The following FAM53B variants were observed in gnomAD, a reference collection of about 807,000 sequenced individuals.
FAM53B encodes the protein protein FAM53B.
A neutral mutation model predicts 32.7 loss-of-function variants in FAM53B; 12 were observed. The ratio of observed to expected loss-of-function variants is 0.37; its 90% CI spans 0.24 to 0.59. The LOEUF (loss-of-function observed/expected upper bound fraction) is 0.59, where lower values mean the gene tolerates loss of function less well. Ranked by LOEUF, FAM53B falls within the 20% of genes least tolerant of loss-of-function variation. The pLI, the probability that FAM53B is intolerant of heterozygous loss-of-function variation, is 0.72. For missense variants in FAM53B, 477 were observed against 577.7 expected (o/e 0.83, Z 1.79); for synonymous variants, 234 against 228.7 (o/e 1.02, Z -0.21).
chr10:124,676,582 C>A (rs1232532597), intron 4 of FAM53B, among the ~76,000 whole-genome samples: 4 of 149,396 alleles, frequency 2.7e-5, no homozygotes, highest in Non-Finnish European at 5.9e-5. Context: ...TCAAAGGCGG[C>A]CCCACCAGCA....
intron 1 of FAM53B, among the ~76,000 whole-genome samples, chr10:124,740,255 A>T (rs1360813549): frequency 6.6e-6 from 1 of 152,208 alleles, no homozygotes; most frequent in Non-Finnish European, 1.5e-5. Context: ...AACCCGCAAT[A>T]CACGAAGCCC....
intron 4 of FAM53B, among the ~76,000 whole-genome samples, chr10:124,670,708 T>C (rs1949702929): frequency 6.6e-6 from 1 of 152,214 alleles, no homozygotes; most frequent in Non-Finnish European, 1.5e-5. Flanking sequence ...ATCTGTGACT[T>C]TGTGCCAATG....
chr10:124,622,929 T>A lies in FAM53B; in HGVS notation c.*313A>T. On this transcript the variant is annotated 3_prime_UTR_variant, in exon 5 of 5. Coordinates refer to ENST00000337318, the MANE Select transcript of FAM53B (RefSeq NM_014661.4). ...CAGCTCTGCCGGGGACAACAGAGACTGCCCAACATCCCACAGGGAAAGAGG... is the reference window on the plus strand; with the variant it reads ...CAGCTCTGCCGGGGACAACAGAGACAGCCCAACATCCCACAGGGAAAGAGG... 10 of 265,952 alleles carry A rather than the reference T, an allele frequency of 3.8e-5. No homozygotes were observed. The highest frequency in any genetic ancestry group is 1.9e-4 in the East Asian group (2 of 10,792). The allele number at this position is 265,952 out of a possible 1,614,324, so 16.5% of individuals were successfully genotyped here.
At chr10:124,635,440 A>G (rs1054578516) in intron 4 of FAM53B, among the ~76,000 whole-genome samples, 1 of 152,250 alleles carries the variant, frequency 6.6e-6, no homozygotes, top group Non-Finnish European at 1.5e-5. Context: ...GGACATAAAA[A>G]TAGCCTTTAA....
At chr10:124,713,009 G>C (rs999967395) in intron 1 of FAM53B, among the ~76,000 whole-genome samples, 3 of 152,174 alleles carry the variant, frequency 2.0e-5, no homozygotes, top group Admixed American at 6.5e-5. Flanking sequence ...CTATGGGTGG[G>C]AGGGCACACA....
intron 4 of FAM53B, among the ~76,000 whole-genome samples, chr10:124,670,687 C>CG (rs1418405790): frequency 1.3e-5 from 2 of 152,210 alleles, no homozygotes; most frequent in Non-Finnish European, 2.9e-5. Flanking sequence ...CAAAGCTGAA[C>CG]ACATCTCATC....
At chr10:124,727,226 T>C (rs11245343) in intron 1 of FAM53B, among the ~76,000 whole-genome samples, 41,875 of 150,714 alleles carry the variant, frequency 0.28, 6,651 homozygotes, top group South Asian at 0.4. Context: ...CTACGTTGAC[T>C]AGGCTGGTCT....
In FAM53B at chr10:124,646,495, A is replaced by G. The variant is rs1949516034; in HGVS notation, c.907-22891T>C. On this transcript the variant is annotated intron_variant, in intron 4 of 4. Coordinates refer to ENST00000337318, the MANE Select transcript of FAM53B (RefSeq NM_014661.4). Reference sequence around the variant, plus strand: ...ATCTACCACAGGCCAAGGCCCTCCCATTGCTGTGCCGGCGCCTTCTGTTTC... The same window carrying G: ...ATCTACCACAGGCCAAGGCCCTCCCGTTGCTGTGCCGGCGCCTTCTGTTTC... 2.6e-5 allele frequency among the ~76,000 whole-genome samples: 4 copies of G among 152,078 alleles called. 1 individual carries two copies. The South Asian group carries it at 8.3e-4, about 32-fold the overall frequency.
chr10:124,698,229 AGGGTGGG>A (rs1053086383), intron 2 of FAM53B, among the ~76,000 whole-genome samples: 3 of 152,138 alleles, frequency 2.0e-5, no homozygotes, highest in African/African-American at 7.2e-5. Flanking sequence ...AAGGTAACCC[AGGGTGGG>A]AGGCCAGAGA....
intron 4 of FAM53B, among the ~76,000 whole-genome samples, chr10:124,657,068 A>ATGTG (rs1564869626): frequency 2.8e-5 from 4 of 143,470 alleles, no homozygotes; most frequent in South Asian, 4.5e-4. Context: ...ATGTATATAT[A>ATGTG]TATGTATATA....
At chr10:124,742,562 A>C (rs1950205651) in intron 1 of FAM53B, 1 of 152,216 alleles carries the variant, frequency 6.6e-6, no homozygotes, top group African/African-American at 2.4e-5. Flanking sequence ...CTAGCATGTC[A>C]TTTGGAAGTC....
intron 4 of FAM53B, among the ~76,000 whole-genome samples, chr10:124,663,697 CTG>C (rs1949648117): frequency 6.6e-6 from 1 of 152,190 alleles, no homozygotes; most frequent in Non-Finnish European, 1.5e-5. Flanking sequence ...GAACTGCACT[CTG>C]GGAGCTGGAA....
At chr10:124,650,434 GTTATGGTGA>G (rs1282977185) in intron 4 of FAM53B, among the ~76,000 whole-genome samples, 1 of 152,192 alleles carries the variant, frequency 6.6e-6, no homozygotes, top group East Asian at 1.9e-4. Context: ...AGTAACGGTG[GTTATGGTGA>G]TGATGGTGAT....
At chr10:124,655,204 A>G (rs1284608969) in intron 4 of FAM53B, among the ~76,000 whole-genome samples, 1 of 152,124 alleles carries the variant, frequency 6.6e-6, no homozygotes, top group South Asian at 2.1e-4. Flanking sequence ...CATTCAGGTG[A>G]CAAGGCTAGC....
chr10:124,692,714 C>CA (rs5788679), intron 3 of FAM53B, among the ~76,000 whole-genome samples: 10,008 of 68,878 alleles, frequency 0.15, 1,110 homozygotes, highest in South Asian at 0.32. Flanking sequence ...TACTCCATCT[C>CA]AAAAAAAAAA....
intron 1 of FAM53B, chr10:124,713,948 C>CT (rs1375846837): frequency 1.3e-5 from 2 of 152,186 alleles, no homozygotes; most frequent in Non-Finnish European, 2.9e-5. Context: ...TCTTTGTGCA[C>CT]TTTGAAACTT....
chr10:124,642,502 C>T (rs1949483272), intron 4 of FAM53B, among the ~76,000 whole-genome samples: 3 of 152,194 alleles, frequency 2.0e-5, no homozygotes, highest in Admixed American at 1.3e-4. Context: ...AGAAGCTGCC[C>T]GGTGGCCCAA....
At chr10:124,639,806 G>A (rs531645372) in intron 4 of FAM53B, among the ~76,000 whole-genome samples, 23 of 152,092 alleles carry the variant, frequency 1.5e-4, no homozygotes, top group African/African-American at 5.3e-4. Context: ...GATGCCTGGG[G>A]CGGGCATGGG....
At chr10:124,657,112 G>GTATA (rs60710275) in intron 4 of FAM53B, among the ~76,000 whole-genome samples, 6 of 136,990 alleles carry the variant, frequency 4.4e-5, no homozygotes, top group East Asian at 2.3e-4. Flanking sequence ...ATATATATGT[G>GTATA]TGTGTGTATA....
Sources: allele counts gnomAD v4.1 joint callset (sites outside exome capture counted in the v4.1 genomes callset), GRCh38; gene constraint gnomAD v4.1.1; transcripts MANE v1.5; gene names NCBI Gene and HGNC (gene_info 2026-07-23, HGNC 2026-07-21).